Variants in ALOX12 observed in about 807,000 individuals in gnomAD.
ALOX12 encodes arachidonate 12-lipoxygenase, 12S type.
ALOX12 carries 62 observed loss-of-function variants against 85.5 expected under a neutral mutation model. The observed-to-expected ratio is 0.73, with a 90% CI of 0.59 to 0.90. The LOEUF (loss-of-function observed/expected upper bound fraction) is 0.90, where lower values mean the gene tolerates loss of function less well. Among genes scored for constraint, ALOX12 ranks in the 40% least tolerant of loss-of-function variants. The pLI is 0.00. For synonymous variants in ALOX12, 299 were observed against 332.7 expected, an observed-to-expected ratio of 0.90 and a Z score of 1.10; for missense variants, 751 against 856.5, an observed-to-expected ratio of 0.88 and a Z score of 1.54.
rs759052135 is a variant in ALOX12 at position 6,999,302 on chromosome 17, A to G, written c.647-4A>G. 5 of 1,614,150 alleles carry G rather than the reference A, an allele frequency of 3.1e-6. 1 individual carries two copies. The South Asian group carries it at 5.5e-5, about 18-fold the overall frequency. On this transcript the variant is annotated splice_region_variant and splice_polypyrimidine_tract_variant and intron_variant, in intron 5 of 13. Coordinates refer to ENST00000251535, the MANE Select transcript of ALOX12 (RefSeq NM_000697.3). ...ATATATCCTCCTTTCACCGCCCACC[A>G]AAGAGAAGGTTCGCCAGTGCTGGCA...
chr17:7,010,158 CA>C, intron 13 of ALOX12, 32 bp downstream of exon 13: 1 of 1,600,186 alleles, frequency 6.2e-7, no homozygotes, highest in Non-Finnish European at 8.5e-7. Context: ...AGGGAAATGA[CA>C]GTTGGAAAGG....
chr17:7,010,330 G>C lies in ALOX12; in HGVS notation c.1899G>C (p.Lys633Asn). 2 of 1,614,210 alleles carry C rather than the reference G, an allele frequency of 1.2e-6. No individual in the cohort carries two copies. The highest frequency in any genetic ancestry group is 1.7e-6 in the Non-Finnish European group (2 of 1,180,040). Reference sequence around the variant, plus strand: ...ACCAATTCCGAACAGATTTGGAAAAGCTGGAAAAGGAGATTACAGCCCGGA... The same window carrying C: ...ACCAATTCCGAACAGATTTGGAAAACCTGGAAAAGGAGATTACAGCCCGGA... ...VLNQFRTDLE[K>N]LEKEITARNE... The change falls in exon 14 of 14, where the codon AAG becomes AAC. Residue 633 changes from lysine (K) to asparagine (N), a missense_variant. Coordinates refer to ENST00000251535, the MANE Select transcript of ALOX12 (RefSeq NM_000697.3).
intron 7 of ALOX12, 48 bp from the exon 8 acceptor site, chr17:7,001,554 A>G (rs1908709964): frequency 7.9e-6 from 12 of 1,514,950 alleles, no homozygotes; most frequent in African/African-American, 1.4e-5. Flanking sequence ...AATGCTGACT[A>G]TAATGTCATA....
chr17:7,008,898 T>C (rs1224410594), intron 11 of ALOX12, among the ~76,000 whole-genome samples: 1 of 152,170 alleles, frequency 6.6e-6, no homozygotes, highest in Non-Finnish European at 1.5e-5. Flanking sequence ...TGTAATTCTG[T>C]CTGGGAATAG....
At position 7,010,635 on chromosome 17, in the gene ALOX12, C is replaced by T. The variant is rs1909349013; in HGVS notation, c.*212C>T. The stretch of plus-strand genomic sequence containing the variant: ...TTTTACGCTTTGCAGACCGCATAGT[C>T]ACTGTCTCAACTACTCAGCTCTCCT... On this transcript the variant is annotated 3_prime_UTR_variant, in exon 14 of 14. Transcript: ENST00000251535. The T allele has an allele frequency of 1.8e-6, 1 of 543,384 alleles. No homozygotes were observed. The highest frequency in any genetic ancestry group is 3.1e-6 in the Non-Finnish European group (1 of 320,752). 33.7% of individuals were successfully genotyped at this position (543,384 alleles called of 1,614,324 possible). A position where few individuals can be genotyped will look rare whatever the true frequency, so the allele number is the denominator to read the frequency against.
chr17:6,998,462 T>C lies in ALOX12; in HGVS notation c.338-47T>C, dbSNP rs757303585. ...GGGAGATGAGGACAAGAGGCGGGCA[T>C]AGGACCAGACAGAGCCGTGAGGCCA... is the stretch of plus-strand genomic sequence containing the variant. On this transcript the variant is annotated intron_variant, in intron 2 of 13. Transcript: ENST00000251535. 3.1e-6 allele frequency: 4 copies of C among 1,298,460 alleles called. No individual in the cohort carries two copies. In the African/African-American group the frequency reaches 4.3e-5, roughly 14 times the overall value. The allele number at this position is 1,298,460 out of a possible 1,614,324, so 80.4% of individuals were successfully genotyped here.
Position 7,010,310 on chromosome 17 carries a change from T to C in ALOX12, c.1879T>C (p.Phe627Leu). The change falls in exon 14 of 14, where the codon TTC becomes CTC. Residue 627 changes from phenylalanine to leucine, a missense_variant. Physicochemically the swap from Phe to Leu is conservative, Grantham distance 22. Transcript: ENST00000251535. ...CAAGCCCAAAGCTGTGCTAAACCAA[T>C]TCCGAACAGATTTGGAAAAGCTGGA... ...GPKPKAVLNQFRTDLEKLEKE... is the reference protein window; with the variant it reads ...GPKPKAVLNQLRTDLEKLEKE... The C allele has an allele frequency of 6.2e-7, 1 of 1,614,144 alleles. No individual in the cohort carries two copies. Among genetic ancestry groups the C allele is most frequent in the Non-Finnish European group, 8.5e-7 (1 of 1,180,018 alleles).
chr17:7,006,301 C>A (rs560504822), intron 10 of ALOX12, among the ~76,000 whole-genome samples, 185 bp from the exon 11 acceptor site: 8 of 151,912 alleles, frequency 5.3e-5, no homozygotes, highest in Non-Finnish European at 8.8e-5. Flanking sequence ...AGCAACCATG[C>A]GAATTCCTAG....
intron 8 of ALOX12, among the ~76,000 whole-genome samples, chr17:7,004,446 ATT>A (rs1234670531): frequency 6.8e-6 from 1 of 146,156 alleles, no homozygotes; most frequent in Non-Finnish European, 1.5e-5. Context: ...AAATTTTAAT[ATT>A]TTTATTTTAA....
chr17:6,998,859 G>C, intron 4 of ALOX12, 22 bp downstream of exon 4: 1 of 1,614,126 alleles, frequency 6.2e-7, no homozygotes, highest in Non-Finnish European at 8.5e-7. Flanking sequence ...GCTAGACCTC[G>C]GAGTGAAATA....
Position 7,000,588 on chromosome 17 carries a change from G to T in ALOX12, c.951+109G>T. On this transcript the variant is annotated intron_variant, in intron 7 of 13. Transcript: ENST00000251535. This position sits in a 1 kb window ranked among gnomAD's most constrained non-coding sequence, Gnocchi z 4.6. The stretch of plus-strand genomic sequence containing the variant: ...CTCCCAAACCCCATCCTCACTCAGT[G>T]AGACTTGTCTTCATGTCACTATTTG... 6 of 1,308,550 alleles carry T rather than the reference G, an allele frequency of 4.6e-6. No individual in the cohort carries two copies. The highest frequency in any genetic ancestry group is 6.4e-6 in the Non-Finnish European group (6 of 938,378). 81.1% of individuals were successfully genotyped at this position (1,308,550 alleles called of 1,614,324 possible). A position where few individuals can be genotyped will look rare whatever the true frequency, so the allele number is the denominator to read the frequency against.
intron 7 of ALOX12, chr17:7,001,240 T>C (rs1294018734): frequency 1.8e-5 from 4 of 227,768 alleles, no homozygotes; most frequent in Non-Finnish European, 3.5e-5. Context: ...TGTGAGCCAC[T>C]GCACCTGGCC....
In ALOX12 at chr17:7,008,365, A is replaced by T. The variant is rs1057009455; in HGVS notation, c.1541-1382A>T. Among the ~76,000 whole-genome samples, 5 of 152,350 alleles carry T rather than the reference A, an allele frequency of 3.3e-5. No individual in the cohort carries two copies. In the South Asian group the frequency reaches 1.0e-3, roughly 32 times the overall value. ...GATTAGCAGTCAGGAACCTGAGTTC[A>T]AGATCAGCCTCTGCCTTTTCCCAAC... On this transcript the variant is annotated intron_variant, in intron 11 of 13. Transcript: ENST00000251535.
rs1041287151 is a variant in ALOX12, at chr17:7,010,587, T to A, written c.*164T>A. 19 of 836,670 alleles carry A rather than the reference T, an allele frequency of 2.3e-5. No homozygotes were observed. In the East Asian group the frequency reaches 5.2e-4, roughly 23 times the overall value. 51.8% of individuals were successfully genotyped at this position (836,670 alleles called of 1,614,324 possible). On this transcript the variant is annotated 3_prime_UTR_variant, in exon 14 of 14. Coordinates refer to ENST00000251535, the MANE Select transcript of ALOX12 (RefSeq NM_000697.3). Reference sequence around the variant, plus strand: ...CACTAGCCCAGGGGAGCAGTAAACTTTCTCTGCAAAGACTAGATCCTTTTT... The same window carrying A: ...CACTAGCCCAGGGGAGCAGTAAACTATCTCTGCAAAGACTAGATCCTTTTT...
Position 6,999,394 on chromosome 17 carries a change from C to G in ALOX12, c.735C>G (p.Thr245=). 1 of 1,614,210 alleles carries G rather than the reference C, an allele frequency of 6.2e-7. No individual in the cohort carries two copies. ...GANPMLLRRS[T]SLPSRLVLPS... Reference sequence around the variant, plus strand: ...ACCCCATGCTGTTGAGACGCTCGACCTCTCTGCCCTCCAGGCTAGTGCTGC... The same window carrying G: ...ACCCCATGCTGTTGAGACGCTCGACGTCTCTGCCCTCCAGGCTAGTGCTGC... Residue 245 remains threonine (T), a synonymous_variant, in exon 6 of 14, where the codon ACC becomes ACG. Coordinates refer to ENST00000251535, the MANE Select transcript of ALOX12 (RefSeq NM_000697.3).
chr17:6,996,765 C>T (rs1036508479), intron 1 of ALOX12, 61 bp from the exon 2 acceptor site: 1 of 1,541,308 alleles, frequency 6.5e-7, no homozygotes, highest in African/African-American at 1.4e-5. Flanking sequence ...GCGGCTCTGT[C>T]CTCGAAACGG....
intron 2 of ALOX12, among the ~76,000 whole-genome samples, chr17:6,997,464 T>C (rs1908503612): frequency 6.6e-6 from 1 of 151,698 alleles, no homozygotes. Context: ...GGAGAGCTGG[T>C]TTGGTTGGAA....
chr17:7,005,738 C>A, intron 9 of ALOX12, 120 bp from the exon 10 acceptor site: 2 of 1,117,176 alleles, frequency 1.8e-6, no homozygotes, highest in East Asian at 5.1e-5. Flanking sequence ...CTCAGCCTCC[C>A]AAAGTGCTGT....
rs1438575407 is a variant in ALOX12 at position 6,998,534 on chromosome 17, G to T, written c.363G>T (p.Leu121Phe). ...CCCGCCTGCCAGGAGACAATGCTTTGGACATGTTCCAGAAGCATCGAGAGA... is the reference window on the plus strand; with the variant it reads ...CCCGCCTGCCAGGAGACAATGCTTTTGACATGTTCCAGAAGCATCGAGAGA... ...GTARLPGDNALDMFQKHREKE... is the reference protein window; with the variant it reads ...GTARLPGDNAFDMFQKHREKE... The change falls in exon 3 of 14, where the codon TTG (leucine) becomes TTT (phenylalanine). Residue 121 changes from leucine to phenylalanine, a missense_variant. By Grantham distance (22) the Leu-to-Phe change is conservative (BLOSUM62 0). Coordinates refer to ENST00000251535, the MANE Select transcript of ALOX12 (RefSeq NM_000697.3). The T allele has an allele frequency of 6.2e-7, 1 of 1,613,762 alleles. No homozygotes were observed. The highest frequency in any genetic ancestry group is 8.5e-7 in the Non-Finnish European group (1 of 1,179,746).
Sources: gnomAD v4.1 joint callset for allele counts (sites outside exome capture counted in the v4.1 genomes callset) on GRCh38, gnomAD v4.1.1 for gene constraint, Gnocchi (gnomAD v3.1) non-coding constraint, MANE v1.5 for transcripts, NCBI Gene and HGNC (gene_info 2026-07-23, HGNC 2026-07-21) for gene names.